FAF1: variants seen among roughly 807,000 people sequenced by gnomAD.
FAF1 encodes Fas associated factor 1.
Under a neutral mutation model 92.5 loss-of-function variants are expected in FAF1, and 25 were observed. The ratio of observed to expected loss-of-function variants is 0.27; its 90% CI spans 0.20 to 0.38. The LOEUF is 0.38. FAF1 is among the 10% of genes least tolerant of loss of function. The pLI is 1.00. For missense variants in FAF1, 636 were observed against 793.3 expected, an observed-to-expected ratio of 0.80 and a Z score of 2.38; for synonymous variants, 234 against 273.2, an observed-to-expected ratio of 0.86 and a Z score of 1.42.
chr1:50,769,087 TA>T (rs1569916416), intron 4 of FAF1, among the ~76,000 whole-genome samples: 1 of 148,864 alleles, frequency 6.7e-6, no homozygotes, highest in East Asian at 2.0e-4. Flanking sequence ...TAGCTCCAAA[TA>T]AACACAGTCA....
At chr1:50,476,131 T>C (rs1365649779) in intron 17 of FAF1, among the ~76,000 whole-genome samples, 4 of 152,194 alleles carry the variant, frequency 2.6e-5, no homozygotes, top group Admixed American at 6.5e-5. Flanking sequence ...TTATTATGTT[T>C]ATGTCAAAAT....
intron 8 of FAF1, among the ~76,000 whole-genome samples, chr1:50,644,930 G>A (rs750421735): frequency 3.9e-5 from 6 of 152,178 alleles, no homozygotes; most frequent in Admixed American, 3.9e-4. Context: ...CATATTTACT[G>A]AGCAAACATT....
intron 1 of FAF1, among the ~76,000 whole-genome samples, chr1:50,921,106 C>T (rs1570142082): frequency 6.6e-6 from 1 of 152,276 alleles, no homozygotes; most frequent in African/African-American, 2.4e-5. Flanking sequence ...CCCACTGTGT[C>T]CCCCAAAAAA....
At position 50,440,784 on chromosome 1, in the gene FAF1, A is replaced by G. The variant is rs1389732870; in HGVS notation, c.*656T>C. 1 of 152,264 alleles carries G rather than the reference A, an allele frequency of 6.6e-6. No individual in the cohort carries two copies. Among genetic ancestry groups the G allele is most frequent in the Non-Finnish European group, 1.5e-5 (1 of 68,048 alleles). 9.4% of individuals were successfully genotyped at this position (152,264 alleles called of 1,614,324 possible). On this transcript the variant is annotated 3_prime_UTR_variant, in exon 19 of 19. Transcript: ENST00000396153. Reference sequence around the variant, plus strand: ...GCTTGAACAGTTTCCCTATGCTGCAATGGAACAGCAAATACCTCCTAGGTA... The same window carrying G: ...GCTTGAACAGTTTCCCTATGCTGCAGTGGAACAGCAAATACCTCCTAGGTA...
At chr1:50,509,985 T>C (rs1647112360) in intron 15 of FAF1, among the ~76,000 whole-genome samples, 1 of 151,904 alleles carries the variant, frequency 6.6e-6, no homozygotes, top group South Asian at 2.1e-4. Flanking sequence ...CTGGGCAACA[T>C]GGTGAAACCC....
chr1:50,677,664 G>C (rs1017966567), intron 7 of FAF1, among the ~76,000 whole-genome samples: 1 of 152,126 alleles, frequency 6.6e-6, no homozygotes, highest in Non-Finnish European at 1.5e-5. Context: ...GGAGGCCAAG[G>C]TGGGTGGGTC....
intron 1 of FAF1, among the ~76,000 whole-genome samples, chr1:50,916,702 A>G (rs2124727741): frequency 6.6e-6 from 1 of 152,352 alleles, no homozygotes; most frequent in South Asian, 2.1e-4. Context: ...AGAGAATGGA[A>G]GCCTTCATAT....
intron 1 of FAF1, among the ~76,000 whole-genome samples, chr1:50,901,233 G>A (rs937298389): frequency 2.6e-5 from 4 of 152,068 alleles, no homozygotes; most frequent in Admixed American, 2.0e-4. Context: ...ATTGTTCTCA[G>A]AAAAAGGCAA....
At chr1:50,477,244 C>T (rs185341777) in intron 17 of FAF1, among the ~76,000 whole-genome samples, 1 of 152,200 alleles carries the variant, frequency 6.6e-6, no homozygotes, top group African/African-American at 2.4e-5. Context: ...GAATAACCAC[C>T]TACCTTATAG....
intron 2 of FAF1, among the ~76,000 whole-genome samples, chr1:50,821,929 G>A (rs1263536710): frequency 1.3e-5 from 2 of 151,636 alleles, no homozygotes; most frequent in Admixed American, 6.6e-5. Context: ...AATGGCCTAC[G>A]GTCACCGAAA....
At chr1:50,509,457 T>A (rs1647104795) in intron 15 of FAF1, among the ~76,000 whole-genome samples, 1 of 151,776 alleles carries the variant, frequency 6.6e-6, no homozygotes, top group African/African-American at 2.4e-5. Flanking sequence ...ACAAAAAATT[T>A]AAAAATTAGC....
chr1:50,716,306 C>T (rs574680520), intron 6 of FAF1, among the ~76,000 whole-genome samples: 2 of 152,254 alleles, frequency 1.3e-5, no homozygotes, highest in South Asian at 4.2e-4. Context: ...TTAAAGTCTT[C>T]AGTAGACAGA....
intron 2 of FAF1, among the ~76,000 whole-genome samples, chr1:50,848,490 A>C (rs1644321414): frequency 6.6e-6 from 1 of 152,256 alleles, no homozygotes; most frequent in South Asian, 2.1e-4. Context: ...AAGTTTAATA[A>C]GAAACAGGAT....
chr1:50,692,086 C>T (rs746518740), intron 7 of FAF1, among the ~76,000 whole-genome samples: 2 of 152,036 alleles, frequency 1.3e-5, no homozygotes, highest in Admixed American at 1.3e-4. Context: ...CATTGTGGCA[C>T]GTACCTGTAG....
intron 11 of FAF1, among the ~76,000 whole-genome samples, 165 bp from the exon 12 acceptor site, chr1:50,582,864 A>G (rs1651053967): frequency 6.6e-6 from 1 of 152,204 alleles, no homozygotes; most frequent in African/African-American, 2.4e-5. Context: ...ATTGGTTTTT[A>G]GAATTCTTCT....
chr1:50,869,839 C>T (rs189041927), intron 1 of FAF1, among the ~76,000 whole-genome samples: 10 of 152,236 alleles, frequency 6.6e-5, no homozygotes, highest in Non-Finnish European at 1.5e-5. Context: ...TTAAACATAT[C>T]TACCTTAAAG....
intron 7 of FAF1, among the ~76,000 whole-genome samples, chr1:50,663,415 ATTTTTTTTTT>A (rs1188471030): frequency 7.4e-6 from 1 of 135,910 alleles, no homozygotes; most frequent in African/African-American, 2.8e-5. Flanking sequence ...TTTAATTTCA[ATTTTTTTTTT>A]TTTTTTTTGA....
chr1:50,738,087 G>A (rs1659213284), intron 6 of FAF1, among the ~76,000 whole-genome samples: 1 of 152,062 alleles, frequency 6.6e-6, no homozygotes, highest in South Asian at 2.1e-4. Context: ...TAAATGTATT[G>A]AGTTCCACTG....
At chr1:50,905,856 T>C (rs555178909) in intron 1 of FAF1, among the ~76,000 whole-genome samples, 2 of 152,362 alleles carry the variant, frequency 1.3e-5, no homozygotes, top group South Asian at 4.1e-4. Context: ...GCAGTTTCTT[T>C]TGCTGTGCAG....
Sources: gnomAD v4.1 joint callset for allele counts (sites outside exome capture counted in the v4.1 genomes callset) on GRCh38, gnomAD v4.1.1 for gene constraint, MANE v1.5 for transcripts, NCBI Gene and HGNC (gene_info 2026-07-23, HGNC 2026-07-21) for gene names.